MYOM1: variants seen among roughly 807,000 people sequenced by gnomAD.
The protein encoded by MYOM1 is myomesin 1.
A neutral mutation model predicts 205.3 loss-of-function variants in MYOM1; 164 were observed. The ratio of observed to expected loss-of-function variants is 0.80; its 90% CI spans 0.70 to 0.91. MYOM1 has a LOEUF of 0.91. MYOM1 is among the 40% of genes least tolerant of loss of function. The pLI, the probability that MYOM1 is intolerant of heterozygous loss-of-function variation, is 0.00. For missense variants in MYOM1, 2,011 were observed against 2,127.3 expected (o/e 0.95, Z 1.08); for synonymous variants, 772 against 789.4 (o/e 0.98, Z 0.37).
intron 9 of MYOM1, among the ~76,000 whole-genome samples, chr18:3,165,387 G>A (rs1284891186): frequency 6.6e-6 from 1 of 152,160 alleles, no homozygotes; most frequent in African/African-American, 2.4e-5. Flanking sequence ...CAGGATGCCT[G>A]TTTATGTATT....
At position 3,126,688 on chromosome 18, in the gene MYOM1, G is replaced by C. The variant is rs758276785; in HGVS notation, c.2991+13C>G. 6.2e-7 allele frequency: 1 copy of C among 1,606,372 alleles called. No individual in the cohort carries two copies. Among genetic ancestry groups the C allele is most frequent in the South Asian group, 1.1e-5 (1 of 89,542 alleles). On this transcript the variant is annotated intron_variant, in intron 19 of 37. Coordinates refer to ENST00000356443, the MANE Select transcript of MYOM1 (RefSeq NM_003803.4). ...CATAGGACACGCCACACTACAGAAA[G>C]TCACGTGCTTACCTTGTATGCCTCC...
intron 20 of MYOM1, among the ~76,000 whole-genome samples, chr18:3,119,324 C>T (rs975875529): frequency 1.3e-4 from 20 of 152,024 alleles, no homozygotes; most frequent in East Asian, 3.9e-4. Context: ...GACAGGTGCA[C>T]GAAATCCATC....
At position 3,135,538 on chromosome 18, in the gene MYOM1, G is replaced by A; in HGVS notation, c.2209+9C>T. ...TCTCTTGAAGTAAAAGAAGTTTACA[G>A]TTGCTTACCAAGTTTGTCCCCTACC... On this transcript the variant is annotated intron_variant, in intron 15 of 37. Coordinates refer to ENST00000356443, the MANE Select transcript of MYOM1 (RefSeq NM_003803.4). This position sits in a 1 kb window ranked among gnomAD's most constrained non-coding sequence, Gnocchi z 4.1. 2 of 1,610,560 alleles carry A rather than the reference G, an allele frequency of 1.2e-6. No individual in the cohort carries two copies. Among genetic ancestry groups the A allele is most frequent in the South Asian group, 2.2e-5 (2 of 90,732 alleles).
chr18:3,225,091 C>T, the MYOM1 span, among the ~76,000 whole-genome samples: 1 of 152,176 alleles, frequency 6.6e-6, no homozygotes, highest in African/African-American at 2.4e-5. Flanking sequence ...GGGTTCACAC[C>T]GTTCTCCTGC....
chr18:3,160,942 G>A (rs1387126445), intron 10 of MYOM1, among the ~76,000 whole-genome samples: 1 of 152,196 alleles, frequency 6.6e-6, no homozygotes, highest in Non-Finnish European at 1.5e-5. Context: ...CCTAGACTGG[G>A]TCAGGGTTCC....
At chr18:3,115,604 A>C (rs908962660) in intron 21 of MYOM1, among the ~76,000 whole-genome samples, 3 of 152,230 alleles carry the variant, frequency 2.0e-5, no homozygotes, top group African/African-American at 7.2e-5. Flanking sequence ...TAAGTAATGC[A>C]ATCATATTCC....
At chr18:3,226,195 T>C in the MYOM1 span, among the ~76,000 whole-genome samples, 1 of 152,214 alleles carries the variant, frequency 6.6e-6, no homozygotes, top group South Asian at 2.1e-4. The surrounding 1 kb of genome is among the most constrained non-coding windows in gnomAD (Gnocchi z 4.6). Context: ...TTCGTCAGCA[T>C]GAGTGGTGCA....
chr18:3,186,362 T>C (rs1182165960), intron 5 of MYOM1, among the ~76,000 whole-genome samples: 1 of 152,166 alleles, frequency 6.6e-6, no homozygotes, highest in East Asian at 1.9e-4. Context: ...AGTGTTTATA[T>C]TGCAACCTAA....
At chr18:3,154,718 T>C (rs1279661219) in intron 11 of MYOM1, among the ~76,000 whole-genome samples, 2 of 151,776 alleles carry the variant, frequency 1.3e-5, no homozygotes, top group African/African-American at 4.8e-5. Flanking sequence ...TGTGTATATA[T>C]GTATGTATGT....
At position 3,152,004 on chromosome 18, in the gene MYOM1, C is replaced by G. The variant is rs1173986544; in HGVS notation, c.1644-111G>C. 1.7e-6 allele frequency: 2 copies of G among 1,156,046 alleles called. No individual in the cohort carries two copies. The highest frequency in any genetic ancestry group is 3.1e-5 in the African/African-American group (2 of 64,538). The allele number at this position is 1,156,046 out of a possible 1,614,324, so 71.6% of individuals were successfully genotyped here. ...TTCAGATCTTCTCCCTATAAAATAT[C>G]CAAGTCAGGCGTGGCTCGCTACCTG... On this transcript the variant is annotated intron_variant, in intron 11 of 37. Coordinates refer to ENST00000356443, the MANE Select transcript of MYOM1 (RefSeq NM_003803.4). This position sits in a 1 kb window ranked among gnomAD's most constrained non-coding sequence, Gnocchi z 4.3.
intron 13 of MYOM1, among the ~76,000 whole-genome samples, chr18:3,142,439 A>T (rs11659179): frequency 0.092 from 13,979 of 151,838 alleles, 709 homozygotes; most frequent in African/African-American, 0.13. Context: ...TTCAAAAAAA[A>T]ATATTTTTTT....
At chr18:3,105,438 T>G (rs2079440178) in intron 22 of MYOM1, among the ~76,000 whole-genome samples, 1 of 152,216 alleles carries the variant, frequency 6.6e-6, no homozygotes, top group Non-Finnish European at 1.5e-5. Flanking sequence ...AAATGAAATT[T>G]TAAAGTATTA....
Position 3,176,069 on chromosome 18 carries a change from T to C in MYOM1, c.995A>G (p.Tyr332Cys), listed in dbSNP as rs552115876. Residue 332 changes from tyrosine (Y) to cysteine (C), a missense_variant, in exon 6 of 38, where the codon TAT becomes TGT. Transcript: ENST00000356443. ...NPGKYIIESR[Y>C]GMHTLEINGC... ...ATTAATCTCCAGAGTGTGCATCCCA[T>C]ATCGACTCTCAATAATATACTTTCC... 56 of 1,604,732 alleles carry C rather than the reference T, an allele frequency of 3.5e-5. No individual in the cohort carries two copies. In the South Asian group the frequency reaches 5.9e-4, roughly 17 times the overall value.
rs373419422 is a variant in MYOM1, at chr18:3,071,887, G to A, written c.4711C>T (p.Arg1571Cys). The A allele has an allele frequency of 4.1e-5, 66 of 1,603,916 alleles. No homozygotes were observed. In the African/African-American group the frequency reaches 5.2e-4, roughly 13 times the overall value. The change falls in exon 37 of 38, where the codon CGT (arginine) becomes TGT (cysteine). Residue 1571 changes from arginine to cysteine, a missense_variant and splice_region_variant. Arg to Cys is a radical substitution (Grantham distance 180, BLOSUM62 -3). Transcript: ENST00000356443. ...GGGAGACCTCCCAACACCCGGGCACGATCTGCAAGCATAGGCATTTTGGGT... is the reference window on the plus strand; with the variant it reads ...GGGAGACCTCCCAACACCCGGGCACAATCTGCAAGCATAGGCATTTTGGGT... ...LKQAAIAEKN[R>C]ARVLGGLPDV...
intron 14 of MYOM1, among the ~76,000 whole-genome samples, chr18:3,137,506 A>T (rs62074944): frequency 0.18 from 27,005 of 152,176 alleles, 2,897 homozygotes; most frequent in East Asian, 0.29. Context: ...AGAATGAAGT[A>T]CTGTCATTTG....
At chr18:3,207,919 A>AGCCTG (rs1454507692) in intron 2 of MYOM1, among the ~76,000 whole-genome samples, 1 of 152,170 alleles carries the variant, frequency 6.6e-6, no homozygotes, top group Non-Finnish European at 1.5e-5. Flanking sequence ...GCTGCATGAG[A>AGCCTG]GCCTGGTAAA....
intron 13 of MYOM1, among the ~76,000 whole-genome samples, chr18:3,148,709 A>G (rs112149707): frequency 0.056 from 8,480 of 151,044 alleles, 714 homozygotes; most frequent in African/African-American, 0.18. Flanking sequence ...AGCCAGGCGT[A>G]GTGGCGGGCG....
intron 37 of MYOM1, among the ~76,000 whole-genome samples, chr18:3,069,816 T>A (rs1467472380): frequency 2.6e-5 from 4 of 152,244 alleles, no homozygotes; most frequent in Non-Finnish European, 5.9e-5. Flanking sequence ...CAAAGTACTT[T>A]CATATACATT....
At chr18:3,096,734 A>T (rs2079310375) in intron 25 of MYOM1, among the ~76,000 whole-genome samples, 1 of 152,176 alleles carries the variant, frequency 6.6e-6, no homozygotes, top group Non-Finnish European at 1.5e-5. Context: ...CAAGAGGGGT[A>T]AAAACCGGTG....
Sources: allele counts gnomAD v4.1 joint callset (sites outside exome capture counted in the v4.1 genomes callset), GRCh38; gene constraint gnomAD v4.1.1; non-coding constraint Gnocchi (gnomAD v3.1); transcripts MANE v1.5; gene names NCBI Gene and HGNC (gene_info 2026-07-23, HGNC 2026-07-21).